TTC34: variants seen among roughly 807,000 people sequenced by gnomAD.
The protein encoded by TTC34 is tetratricopeptide repeat domain 34.
A neutral mutation model predicts 40.7 loss-of-function variants in TTC34; 44 were observed. That is an observed-to-expected ratio of 1.08 (90% CI 0.85 to 1.39). TTC34 has a LOEUF of 1.39. TTC34 is among the 40% of genes most tolerant of loss of function. The probability of loss-of-function intolerance (pLI) is 0.00; values close to 1 mark genes in which losing one functional copy is unlikely to be tolerated. For synonymous variants in TTC34, 422 were observed against 398.6 expected, an observed-to-expected ratio of 1.06 and a Z score of -0.70; for missense variants, 884 against 838.0, an observed-to-expected ratio of 1.05 and a Z score of -0.68.
chr1:2,688,076 AGCACCCT>A (rs1640449231), intron 6 of TTC34, among the ~76,000 whole-genome samples: 1 of 141,132 alleles, frequency 7.1e-6, no homozygotes, highest in African/African-American at 2.9e-5. Context: ...AGCCTGGAAC[AGCACCCT>A]GCACCCCCAG....
rs1641267101 is a variant in TTC34 at position 2,750,131 on chromosome 1, T to C, written c.2226+33478A>G. Among the ~76,000 whole-genome samples the C allele has an allele frequency of 2.9e-4, 42 of 144,638 alleles. 2 individuals are homozygous for C. The highest frequency in any genetic ancestry group is 2.8e-3 in the Admixed American group (40 of 14,408). 94.9% of individuals were successfully genotyped at this position (144,638 alleles called of 152,430 possible). ...CTGGAACAGCACCCACACACCCAGG[T>C]GAGCATCCGACAGCGTGGAGCAGAA... On this transcript the variant is annotated intron_variant, in intron 6 of 8. Transcript: ENST00000401095.
At chr1:2,793,791 T>G (rs1260670076) in intron 2 of TTC34, among the ~76,000 whole-genome samples, 1 of 152,226 alleles carries the variant, frequency 6.6e-6, no homozygotes, top group Non-Finnish European at 1.5e-5. Context: ...TTCTATCTAT[T>G]CCTGAAGTCA....
chr1:2,783,436 G>A (rs2100620339), intron 6 of TTC34, among the ~76,000 whole-genome samples, 173 bp downstream of exon 6: 1 of 152,358 alleles, frequency 6.6e-6, no homozygotes, highest in South Asian at 2.1e-4. Context: ...GGTTTGTGGG[G>A]ACCCGGCTCC....
chr1:2,788,929 A>G (rs1237392640), intron 3 of TTC34, among the ~76,000 whole-genome samples: 14 of 152,084 alleles, frequency 9.2e-5, no homozygotes, highest in Admixed American at 9.2e-4. Flanking sequence ...CCATGCCACT[A>G]AAAATATAAA....
chr1:2,751,708 G>T (rs1641326328), intron 6 of TTC34, among the ~76,000 whole-genome samples: 8 of 141,922 alleles, frequency 5.6e-5, no homozygotes, highest in Admixed American at 1.4e-4. Flanking sequence ...GCATCCGACA[G>T]CCTGGAGCAG....
chr1:2,685,837 A>T (rs1640312156), intron 6 of TTC34, among the ~76,000 whole-genome samples: 1 of 119,544 alleles, frequency 8.4e-6, no homozygotes, highest in Non-Finnish European at 1.8e-5. Flanking sequence ...CGGCACCCCC[A>T]TGCCCAGGTG....
At chr1:2,651,741 A>G (rs894815020) in intron 6 of TTC34, among the ~76,000 whole-genome samples, 1 of 151,434 alleles carries the variant, frequency 6.6e-6, no homozygotes, top group African/African-American at 2.4e-5. Context: ...TGATTATCTG[A>G]CAACCTAGAA....
At chr1:2,656,140 G>A (rs1639335916) in intron 6 of TTC34, among the ~76,000 whole-genome samples, 3 of 147,202 alleles carry the variant, frequency 2.0e-5, no homozygotes, top group Admixed American at 2.0e-4. Context: ...CACAGCCCCA[G>A]GTGAGCATCT....
At chr1:2,652,404 A>T (rs796382145) in intron 6 of TTC34, among the ~76,000 whole-genome samples, 1,320 of 98,576 alleles carry the variant, frequency 0.013, no homozygotes, top group Middle Eastern at 0.027. Context: ...CAGCACGCAC[A>T]CCCCCAGTGA....
In TTC34 at chr1:2,650,249, C is replaced by T. The variant is rs28452867; in HGVS notation, c.2227-4686G>A. On this transcript the variant is annotated intron_variant, in intron 6 of 8. Coordinates refer to ENST00000401095, the Ensembl canonical transcript of TTC34. Reference sequence around the variant, plus strand: ...GAGCATCTGACAGCCTGGAATGGCACTCTACATCCCCAGGTGAGCTTCTGA... The same window carrying T: ...GAGCATCTGACAGCCTGGAATGGCATTCTACATCCCCAGGTGAGCTTCTGA... Among the ~76,000 whole-genome samples, 1,138 of 150,614 alleles carry T rather than the reference C, an allele frequency of 7.6e-3. 20 individuals are homozygous for T. The highest frequency in any genetic ancestry group is 0.059 in the Admixed American group (872 of 14,836).
exon 9 of TTC34, chr1:2,641,670 A>G (rs921183597): frequency 6.5e-7 from 1 of 1,535,430 alleles, no homozygotes; most frequent in South Asian, 1.2e-5. Context: ...TGACGGCAGA[A>G]GTCCTCTGCC....
At chr1:2,677,024 C>G (rs1639930742) in intron 6 of TTC34, among the ~76,000 whole-genome samples, 1 of 99,818 alleles carries the variant, frequency 1.0e-5, no homozygotes, top group Non-Finnish European at 2.2e-5. Context: ...AGGCCAGCAT[C>G]CGATAACCTG....
At chr1:2,767,722 G>T (rs556287012) in intron 6 of TTC34, among the ~76,000 whole-genome samples, 1 of 129,946 alleles carries the variant, frequency 7.7e-6, no homozygotes, top group Non-Finnish European at 1.6e-5. Context: ...ACAGAACCCC[G>T]CTCTTCCAGG....
chr1:2,695,079 G>C (rs1640800001), intron 6 of TTC34, among the ~76,000 whole-genome samples: 1 of 144,004 alleles, frequency 6.9e-6, no homozygotes, highest in Non-Finnish European at 1.6e-5. Context: ...CACACCCCCA[G>C]GCGAGCATCT....
At chr1:2,777,693 G>GC (rs906817588) in intron 6 of TTC34, among the ~76,000 whole-genome samples, 2 of 151,820 alleles carry the variant, frequency 1.3e-5, no homozygotes, top group South Asian at 4.2e-4. Flanking sequence ...GGGCATGGGG[G>GC]GGGGGGCGCA....
chr1:2,769,825 G>A (rs1346632349), intron 6 of TTC34, among the ~76,000 whole-genome samples: 13 of 36,372 alleles, frequency 3.6e-4, no homozygotes, highest in South Asian at 8.7e-4. Context: ...TGGAGCAGGC[G>A]CCCACAATCC....
intron 6 of TTC34, among the ~76,000 whole-genome samples, chr1:2,750,771 A>T: frequency 9.0e-6 from 1 of 111,414 alleles, no homozygotes; most frequent in South Asian, 3.3e-4. Context: ...GCATAAACAC[A>T]GGTGAACATC....
chr1:2,695,846 A>G (rs1212188626), intron 6 of TTC34, among the ~76,000 whole-genome samples: 107 of 53,712 alleles, frequency 2.0e-3, no homozygotes, highest in South Asian at 2.9e-3. Context: ...CCCCAGGTGA[A>G]CATCCGACAG....
chr1:2,655,102 G>C, intron 6 of TTC34, among the ~76,000 whole-genome samples: 1 of 151,676 alleles, frequency 6.6e-6, no homozygotes, highest in South Asian at 2.1e-4. Context: ...ACCCCCAGGT[G>C]AGCATCCAAC....
Sources: allele counts gnomAD v4.1 joint callset (sites outside exome capture counted in the v4.1 genomes callset), GRCh38; gene constraint gnomAD v4.1.1; transcripts MANE v1.5; gene names NCBI Gene and HGNC (gene_info 2026-07-23, HGNC 2026-07-21).